The following NFIX variants were observed in gnomAD, a reference collection of about 807,000 sequenced individuals.
NFIX encodes the protein nuclear factor 1 X-type.
NFIX carries 2 observed loss-of-function variants against 53.3 expected under a neutral mutation model. That is an observed-to-expected ratio of 0.04 (90% CI 0.02 to 0.12). NFIX has a LOEUF of 0.12. Among genes scored for constraint, NFIX ranks in the 10% least tolerant of loss-of-function variants. The pLI, the probability that NFIX is intolerant of heterozygous loss-of-function variation, is 1.00. For missense variants in NFIX, 310 were observed against 674.5 expected (o/e 0.46, Z 5.99); for synonymous variants, 244 against 289.0 (o/e 0.84, Z 1.58).
chr19:13,024,450 G>C, intron 1 of NFIX: 1 of 1,454,812 alleles, frequency 6.9e-7, no homozygotes, highest in Non-Finnish European at 9.0e-7. Context: ...AGGGAAGCCT[G>C]ATCTGTTTCC....
intron 8 of NFIX, among the ~76,000 whole-genome samples, chr19:13,085,978 C>G (rs1194295815): frequency 1.3e-5 from 2 of 152,152 alleles, no homozygotes; most frequent in African/African-American, 4.8e-5. Context: ...CAAGAATGTC[C>G]TAGAGAAACA....
intron 8 of NFIX, 76 bp from the exon 9 acceptor site, chr19:13,087,913 T>C (rs1599874964): frequency 6.7e-7 from 1 of 1,503,512 alleles, no homozygotes; most frequent in East Asian, 2.5e-5. Context: ...AGGAGCGAGC[T>C]GGCGCGGCCG....
Position 13,093,788 on chromosome 19 carries a change from A to G in NFIX, c.1495-847A>G, listed in dbSNP as rs1479963283. 1.3e-5 allele frequency among the ~76,000 whole-genome samples: 2 copies of G among 152,166 alleles called. No individual in the cohort carries two copies. The highest frequency in any genetic ancestry group is 6.5e-5 in the Admixed American group (1 of 15,286). On this transcript the variant is annotated intron_variant, in intron 10 of 10. Coordinates refer to ENST00000592199, the MANE Select transcript of NFIX (RefSeq NM_001365902.3). The surrounding 1 kb of genome is among the most constrained non-coding windows in gnomAD (Gnocchi z 4.7). ...GGTACTACCAGGTGCACCCAGGCCC[A>G]GTAGACCACAGTAGACCCTGACCCA...
chr19:13,071,970 G>A (rs2016801655), intron 2 of NFIX, among the ~76,000 whole-genome samples: 1 of 152,238 alleles, frequency 6.6e-6, no homozygotes, highest in South Asian at 2.1e-4. Flanking sequence ...AATCAGGGTG[G>A]TGGCGAGACC....
At position 13,052,833 on chromosome 19, in the gene NFIX, T is replaced by G. The variant is rs1029389592; in HGVS notation, c.560-20214T>G. Among the ~76,000 whole-genome samples, 1 of 152,090 alleles carries G rather than the reference T, an allele frequency of 6.6e-6. No individual in the cohort carries two copies. The highest frequency in any genetic ancestry group is 2.4e-5 in the African/African-American group (1 of 41,416). On this transcript the variant is annotated intron_variant, in intron 2 of 10. Coordinates refer to ENST00000592199, the MANE Select transcript of NFIX (RefSeq NM_001365902.3). The surrounding 1 kb of genome is among the most constrained non-coding windows in gnomAD (Gnocchi z 5.2). ...AGTGAGGATGATGAGGACAGGGACATTAATCACAGTTCTGTTCTGCCTGGC... is the reference window on the plus strand; with the variant it reads ...AGTGAGGATGATGAGGACAGGGACAGTAATCACAGTTCTGTTCTGCCTGGC...
In NFIX at chr19:13,052,774, C is replaced by A. The variant is rs897105755; in HGVS notation, c.560-20273C>A. 4.6e-5 allele frequency among the ~76,000 whole-genome samples: 7 copies of A among 152,150 alleles called. No homozygotes were observed. Among genetic ancestry groups the A allele is most frequent in the Non-Finnish European group, 7.3e-5 (5 of 68,036 alleles). On this transcript the variant is annotated intron_variant, in intron 2 of 10. Coordinates refer to ENST00000592199, the MANE Select transcript of NFIX (RefSeq NM_001365902.3). The surrounding 1 kb of genome is among the most constrained non-coding windows in gnomAD (Gnocchi z 5.2). ...CGGCTCCAGGGCCGTGAGGTTGGCACCCCCTGCACCCGTCCACACACACAG... is the reference window on the plus strand; with the variant it reads ...CGGCTCCAGGGCCGTGAGGTTGGCAACCCCTGCACCCGTCCACACACACAG...
rs2017047192 is a variant in NFIX, at chr19:13,075,574, G to A, written c.858G>A (p.Met286Ile). Reference protein sequence around the residue: ...KRPKSIDDSEMESPVDDVFYP... With the variant: ...KRPKSIDDSEIESPVDDVFYP... ...CCAAGTCCATCGATGACAGTGAGAT[G>A]GAGAGCCCTGTTGATGACGTGTTCT... The change falls in exon 6 of 11, where the codon ATG becomes ATA. Residue 286 changes from methionine (M) to isoleucine (I), a missense_variant. Met to Ile is a conservative substitution (Grantham distance 10). Coordinates refer to ENST00000592199, the MANE Select transcript of NFIX (RefSeq NM_001365902.3). 1 of 1,613,662 alleles carries A rather than the reference G, an allele frequency of 6.2e-7. No homozygotes were observed. Among genetic ancestry groups the A allele is most frequent in the Admixed American group, 1.7e-5 (1 of 59,972 alleles).
At chr19:13,084,894 AC>A (rs1484504957) in intron 8 of NFIX, among the ~76,000 whole-genome samples, 3 of 151,578 alleles carry the variant, frequency 2.0e-5, no homozygotes, top group South Asian at 4.2e-4. Flanking sequence ...ACATGGAGAA[AC>A]CCCGTCTCTA....
intron 2 of NFIX, among the ~76,000 whole-genome samples, chr19:13,061,986 C>G (rs970076411): frequency 6.6e-6 from 1 of 152,114 alleles, no homozygotes; most frequent in Non-Finnish European, 1.5e-5. Context: ...TTCAACCCAT[C>G]CCTGCCCAGG....
chr19:13,041,793 C>CAAA, intron 2 of NFIX, among the ~76,000 whole-genome samples: 1 of 103,370 alleles, frequency 9.7e-6, no homozygotes. Flanking sequence ...GACTCCGTCT[C>CAAA]AAAAAAAAAA....
chr19:13,007,046 C>T (rs563277255), intron 1 of NFIX, among the ~76,000 whole-genome samples: 1 of 152,270 alleles, frequency 6.6e-6, no homozygotes, highest in East Asian at 1.9e-4. Flanking sequence ...CTGCCTCTTC[C>T]GCTGCCCCTT....
rs2014558256 is a variant in NFIX, at chr19:13,040,705, G to A, written c.559+15153G>A. On this transcript the variant is annotated intron_variant, in intron 2 of 10. Transcript: ENST00000592199. This position sits in a 1 kb window ranked among gnomAD's most constrained non-coding sequence, Gnocchi z 4.2. ...CTTGCGGCTCTGGTAGCTGGGTTTG[G>A]TTATTAACAATGAATTATTAAAGGA... Among the ~76,000 whole-genome samples the A allele has an allele frequency of 1.3e-5, 2 of 152,278 alleles. No homozygotes were observed. Among genetic ancestry groups the A allele is most frequent in the African/African-American group, 4.8e-5 (2 of 41,548 alleles).
rs1306432329 is a variant in NFIX, at chr19:13,027,980, G to A, written c.559+2428G>A. 6.6e-6 allele frequency among the ~76,000 whole-genome samples: 1 copy of A among 152,236 alleles called. No individual in the cohort carries two copies. The highest frequency in any genetic ancestry group is 1.5e-5 in the Non-Finnish European group (1 of 68,042). ...GTTTGAGTGTGCCTTCCTGAAGTGA[G>A]TTGAGGCGAGTTGGCGCAGCCCGGG... is the stretch of plus-strand genomic sequence containing the variant. On this transcript the variant is annotated intron_variant, in intron 2 of 10. Coordinates refer to ENST00000592199, the MANE Select transcript of NFIX (RefSeq NM_001365902.3). The surrounding 1 kb of genome is among the most constrained non-coding windows in gnomAD (Gnocchi z 4.3).
chr19:13,084,610 G>T (rs1357672038), intron 8 of NFIX, among the ~76,000 whole-genome samples: 4 of 152,184 alleles, frequency 2.6e-5, no homozygotes, highest in Admixed American at 2.6e-4. Context: ...AGGATGCCTG[G>T]TTAGCTGTGT....
intron 2 of NFIX, among the ~76,000 whole-genome samples, chr19:13,065,425 T>C (rs1444585939): frequency 2.0e-5 from 3 of 152,226 alleles, no homozygotes; most frequent in Non-Finnish European, 4.4e-5. Flanking sequence ...TGCCATGCCC[T>C]GGGTCCACTT....
At chr19:13,064,335 G>A (rs2016272504) in intron 2 of NFIX, among the ~76,000 whole-genome samples, 1 of 152,234 alleles carries the variant, frequency 6.6e-6, no homozygotes, top group Non-Finnish European at 1.5e-5. Flanking sequence ...GCCTGTGCCT[G>A]TGCTCCTGGT....
rs1309310800 is a variant in NFIX, at chr19:13,028,263, G to A, written c.559+2711G>A. Among the ~76,000 whole-genome samples the A allele has an allele frequency of 6.6e-6, 1 of 152,232 alleles. No individual in the cohort carries two copies. Among genetic ancestry groups the A allele is most frequent in the East Asian group, 1.9e-4 (1 of 5,204 alleles). ...CTTCCTTCCAGGATGATAAACTGGG[G>A]ACAGGGGCCGGGATGGCACAGGCTC... On this transcript the variant is annotated intron_variant, in intron 2 of 10. Coordinates refer to ENST00000592199, the MANE Select transcript of NFIX (RefSeq NM_001365902.3). The surrounding 1 kb of genome is among the most constrained non-coding windows in gnomAD (Gnocchi z 4.2).
At position 13,025,742 on chromosome 19, in the gene NFIX, G is replaced by T. The variant is rs1261148902; in HGVS notation, c.559+190G>T. Among the ~76,000 whole-genome samples, 2 of 152,086 alleles carry T rather than the reference G, an allele frequency of 1.3e-5. No individual in the cohort carries two copies. The highest frequency in any genetic ancestry group is 2.4e-5 in the African/African-American group (1 of 41,396). On this transcript the variant is annotated intron_variant, in intron 2 of 10. Transcript: ENST00000592199. The surrounding 1 kb of genome is among the most constrained non-coding windows in gnomAD (Gnocchi z 7.5). ...TCCTGTCTTCTGTCTCCCCCGACCT[G>T]TTCTATTCTTCCTCCTCTGCCCCCT...
At chr19:13,063,283 C>G (rs1381657922) in intron 2 of NFIX, among the ~76,000 whole-genome samples, 1 of 152,296 alleles carries the variant, frequency 6.6e-6, no homozygotes, top group East Asian at 1.9e-4. Context: ...TGAGCCTTCT[C>G]CTTTTCCTTT....
Sources: allele counts gnomAD v4.1 joint callset (sites outside exome capture counted in the v4.1 genomes callset), GRCh38; gene constraint gnomAD v4.1.1; non-coding constraint Gnocchi (gnomAD v3.1); transcripts MANE v1.5; gene names NCBI Gene and HGNC (gene_info 2026-07-23, HGNC 2026-07-21).